Variants in KSR2 observed in about 807,000 individuals in gnomAD.
KSR2 encodes kinase suppressor of ras 2.
A neutral mutation model predicts 107.8 loss-of-function variants in KSR2; 25 were observed. The observed-to-expected ratio is 0.23, with a 90% CI of 0.17 to 0.32. KSR2 has a LOEUF of 0.32. Among genes scored for constraint, KSR2 ranks in the 10% least tolerant of loss-of-function variants. The pLI is 1.00. For synonymous variants in KSR2, 480 were observed against 507.0 expected (o/e 0.95, Z 0.71); for missense variants, 887 against 1,268.9 (o/e 0.70, Z 4.57).
At chr12:117,502,548 T>G (rs1873446430) in intron 14 of KSR2, among the ~76,000 whole-genome samples, 1 of 152,048 alleles carries the variant, frequency 6.6e-6, no homozygotes. Flanking sequence ...ATCGATTCCG[T>G]TTTTTTGAGG....
chr12:117,745,311 G>A (rs918344517), intron 4 of KSR2, among the ~76,000 whole-genome samples: 3 of 152,066 alleles, frequency 2.0e-5, no homozygotes, highest in African/African-American at 7.2e-5. Context: ...GACTCTAAAA[G>A]CACAGGCAAC....
intron 2 of KSR2, among the ~76,000 whole-genome samples, chr12:117,858,916 A>G (rs1251020138): frequency 1.3e-5 from 2 of 152,196 alleles, no homozygotes; most frequent in African/African-American, 4.8e-5. Context: ...AATGCCTGGC[A>G]TGAAAGATGC....
intron 7 of KSR2, among the ~76,000 whole-genome samples, chr12:117,570,348 A>G (rs1878803398): frequency 6.6e-6 from 1 of 152,136 alleles, no homozygotes; most frequent in Non-Finnish European, 1.5e-5. Flanking sequence ...ACTGGCATCT[A>G]GTGGGTAGAA....
At position 117,465,680 on chromosome 12, in the gene KSR2, T is replaced by C. The variant is rs933831515; in HGVS notation, c.*1519A>G. ...AGGAGGGAGATGCCTGGATAGATAG[T>C]AGCTACAAGAAAACTAAGGCCCAGG... On this transcript the variant is annotated 3_prime_UTR_variant, in exon 20 of 20. Coordinates refer to ENST00000339824, the MANE Select transcript of KSR2 (RefSeq NM_173598.6). The C allele has an allele frequency of 2.0e-5, 3 of 152,132 alleles. No homozygotes were observed. The highest frequency in any genetic ancestry group is 7.2e-5 in the African/African-American group (3 of 41,400). The allele number at this position is 152,132 out of a possible 1,614,324, so 9.4% of individuals were successfully genotyped here.
chr12:117,616,445 T>C (rs1411131450), intron 5 of KSR2, among the ~76,000 whole-genome samples: 1 of 152,204 alleles, frequency 6.6e-6, no homozygotes, highest in Non-Finnish European at 1.5e-5. Flanking sequence ...TGGGTTCCTA[T>C]GCCTGCTCTT....
chr12:117,599,818 C>T (rs1297259378), intron 5 of KSR2, among the ~76,000 whole-genome samples: 1 of 152,142 alleles, frequency 6.6e-6, no homozygotes, highest in Non-Finnish European at 1.5e-5. Flanking sequence ...CTTAACTGTA[C>T]TGCCAACTAT....
chr12:117,524,716 A>G (rs987602994), intron 14 of KSR2, 136 bp downstream of exon 14: 1 of 1,092,038 alleles, frequency 9.2e-7, no homozygotes, highest in Non-Finnish European at 1.3e-6. Context: ...ATCTTAAACC[A>G]TGTAAGTAAA....
intron 4 of KSR2, among the ~76,000 whole-genome samples, chr12:117,753,948 G>GTA: frequency 2.8e-4 from 1 of 3,622 alleles, no homozygotes; most frequent in Non-Finnish European, 9.6e-4. Context: ...AGTATAGAGC[G>GTA]TGTGTGTGTG....
At chr12:117,841,050 G>A (rs944514506) in intron 3 of KSR2, among the ~76,000 whole-genome samples, 9 of 151,710 alleles carry the variant, frequency 5.9e-5, no homozygotes, top group African/African-American at 2.2e-4. Flanking sequence ...TGCAAATTAT[G>A]GTCAATGCGG....
At chr12:117,789,290 C>T (rs1480090685) in intron 3 of KSR2, among the ~76,000 whole-genome samples, 2 of 152,190 alleles carry the variant, frequency 1.3e-5, no homozygotes, top group Non-Finnish European at 2.9e-5. Context: ...GTCTGCAAAG[C>T]CCTCTCCTGT....
chr12:117,927,265 A>G (rs1429048449), intron 1 of KSR2, among the ~76,000 whole-genome samples: 1 of 151,900 alleles, frequency 6.6e-6, no homozygotes, highest in Non-Finnish European at 1.5e-5. Context: ...AAACCCAGCT[A>G]CTCGGGAGGC....
intron 5 of KSR2, among the ~76,000 whole-genome samples, chr12:117,624,524 T>C (rs558709420): frequency 1.3e-5 from 2 of 152,314 alleles, no homozygotes; most frequent in South Asian, 2.1e-4. Flanking sequence ...AAAGATTAGA[T>C]GGTTATAGAT....
chr12:117,468,283 G>C (rs953600055), intron 19 of KSR2, among the ~76,000 whole-genome samples: 1 of 152,238 alleles, frequency 6.6e-6, no homozygotes, highest in Non-Finnish European at 1.5e-5. Flanking sequence ...GACTTGCACA[G>C]CATTTCTGCT....
At chr12:117,486,249 C>A (rs1872455931) in intron 14 of KSR2, among the ~76,000 whole-genome samples, 1 of 152,216 alleles carries the variant, frequency 6.6e-6, no homozygotes, top group Admixed American at 6.5e-5. Context: ...GTTTTTCAAA[C>A]TATGTTCAGC....
At chr12:117,529,820 T>G (rs1875486751) in intron 12 of KSR2, among the ~76,000 whole-genome samples, 1 of 150,296 alleles carries the variant, frequency 6.7e-6, no homozygotes, top group Non-Finnish European at 1.5e-5. Context: ...CTAGGCAACA[T>G]GGTGAATCCC....
chr12:117,615,357 G>A (rs1040760850), intron 5 of KSR2, among the ~76,000 whole-genome samples: 1 of 148,358 alleles, frequency 6.7e-6, no homozygotes, highest in African/African-American at 2.5e-5. Context: ...CAAACCTTGA[G>A]GAAGGATGAC....
chr12:117,919,210 G>T (rs2137454560), intron 1 of KSR2, among the ~76,000 whole-genome samples: 1 of 152,282 alleles, frequency 6.6e-6, no homozygotes, highest in South Asian at 2.1e-4. Context: ...CCACTGCTTG[G>T]AACAACTCCT....
chr12:117,610,695 C>T (rs1881543449), intron 5 of KSR2, among the ~76,000 whole-genome samples: 1 of 146,036 alleles, frequency 6.8e-6, no homozygotes, highest in Non-Finnish European at 1.5e-5. Context: ...GCCATGATTG[C>T]ACCACTGCAC....
At chr12:117,827,056 A>G (rs947522348) in intron 3 of KSR2, among the ~76,000 whole-genome samples, 1 of 147,996 alleles carries the variant, frequency 6.8e-6, no homozygotes, top group African/African-American at 2.5e-5. Context: ...AAAAAAAGGC[A>G]TAATCATCGT....
Sources: allele counts gnomAD v4.1 joint callset (sites outside exome capture counted in the v4.1 genomes callset), GRCh38; gene constraint gnomAD v4.1.1; transcripts MANE v1.5; gene names NCBI Gene and HGNC (gene_info 2026-07-23, HGNC 2026-07-21).